Variants in NIBAN1 observed in about 807,000 individuals in gnomAD.
The protein encoded by NIBAN1 is protein Niban 1.
NIBAN1 carries 81 observed loss-of-function variants against 75.1 expected under a neutral mutation model. The ratio of observed to expected loss-of-function variants is 1.08; its 90% CI spans 0.90 to 1.30. The LOEUF (loss-of-function observed/expected upper bound fraction) is 1.30. NIBAN1 is among the 50% of genes most tolerant of loss of function. The pLI, the probability that NIBAN1 is intolerant of heterozygous loss-of-function variation, is 0.00. For missense variants in NIBAN1, 1,133 were observed against 1,128.1 expected (o/e 1.00, Z -0.06); for synonymous variants, 436 against 424.8 (o/e 1.03, Z -0.32).
chr1:184,864,248 C>T (rs1350739277), intron 5 of NIBAN1, among the ~76,000 whole-genome samples: 1 of 152,192 alleles, frequency 6.6e-6, no homozygotes, highest in African/African-American at 2.4e-5. Flanking sequence ...TCACACAGTG[C>T]TTGGCACACG....
intron 1 of NIBAN1, among the ~76,000 whole-genome samples, chr1:184,916,901 C>T (rs868360600): frequency 2.0e-5 from 3 of 152,288 alleles, no homozygotes; most frequent in Middle Eastern, 3.4e-3. Context: ...CCAAGTTTTA[C>T]TTCCTTCACT....
intron 6 of NIBAN1, 57 bp from the exon 7 acceptor site, chr1:184,823,799 TC>T: frequency 6.9e-7 from 1 of 1,446,272 alleles, no homozygotes; most frequent in East Asian, 2.3e-5. Context: ...CATCTGAGCA[TC>T]AGGCCAACTA....
At position 184,949,352 on chromosome 1, in the gene NIBAN1, C is replaced by T. The variant is rs866924032; in HGVS notation, c.55+24950G>A. Among the ~76,000 whole-genome samples, 5 of 151,954 alleles carry T rather than the reference C, an allele frequency of 3.3e-5. No individual in the cohort carries two copies. In the South Asian group the frequency reaches 8.3e-4, roughly 25 times the overall value. On this transcript the variant is annotated intron_variant, in intron 1 of 13. Coordinates refer to ENST00000367511, the MANE Select transcript of NIBAN1 (RefSeq NM_052966.4). Reference sequence around the variant, plus strand: ...CAGCCTGGGCGACAGAGCGAGACTCCGTCTCAAAAAATAAATAAATAAATA... The same window carrying T: ...CAGCCTGGGCGACAGAGCGAGACTCTGTCTCAAAAAATAAATAAATAAATA...
At chr1:184,802,929 G>A (rs1379342190) in intron 12 of NIBAN1, among the ~76,000 whole-genome samples, 1 of 152,106 alleles carries the variant, frequency 6.6e-6, no homozygotes, top group Non-Finnish European at 1.5e-5. Context: ...TAACCACTCA[G>A]GTTTCCTCAT....
chr1:184,893,655 TG>T (rs913728632), intron 3 of NIBAN1, among the ~76,000 whole-genome samples: 66 of 152,208 alleles, frequency 4.3e-4, no homozygotes, highest in African/African-American at 1.5e-3. Context: ...GGCTTCAGAG[TG>T]GGAAGACAGA....
At chr1:184,952,303 C>A (rs2102065503) in intron 1 of NIBAN1, among the ~76,000 whole-genome samples, 1 of 152,282 alleles carries the variant, frequency 6.6e-6, no homozygotes, top group South Asian at 2.1e-4. Context: ...ACTCAGGAGG[C>A]TGAGGTGAGA....
chr1:184,964,743 T>C (rs1342369250), intron 1 of NIBAN1, among the ~76,000 whole-genome samples: 3 of 152,218 alleles, frequency 2.0e-5, no homozygotes, highest in Admixed American at 6.5e-5. Context: ...TGGCCAGTGT[T>C]GCTCATGGGC....
At chr1:184,810,837 G>T (rs1289653041) in intron 9 of NIBAN1, among the ~76,000 whole-genome samples, 3 of 152,170 alleles carry the variant, frequency 2.0e-5, no homozygotes, top group African/African-American at 7.2e-5. Flanking sequence ...ATTTAATTTG[G>T]CTGAAGTTTT....
At chr1:184,799,278 T>C (rs1444081031) in intron 12 of NIBAN1, among the ~76,000 whole-genome samples, 2 of 149,798 alleles carry the variant, frequency 1.3e-5, no homozygotes, top group African/African-American at 4.9e-5. Flanking sequence ...CACCTATGAG[T>C]GAGAATATGC....
chr1:184,949,312 T>C (rs1265719122), intron 1 of NIBAN1, among the ~76,000 whole-genome samples: 1 of 152,168 alleles, frequency 6.6e-6, no homozygotes, highest in Non-Finnish European at 1.5e-5. Context: ...AAGCCGAGAT[T>C]GCACCACTGC....
chr1:184,859,717 A>G (rs1049408043), intron 5 of NIBAN1, among the ~76,000 whole-genome samples: 5 of 152,120 alleles, frequency 3.3e-5, no homozygotes, highest in African/African-American at 4.8e-5. Context: ...ATGGTATATA[A>G]GCAGTCCTAT....
At chr1:184,893,323 C>A (rs1418130810) in intron 3 of NIBAN1, among the ~76,000 whole-genome samples, 3 of 152,116 alleles carry the variant, frequency 2.0e-5, no homozygotes, top group Non-Finnish European at 4.4e-5. Context: ...CTTGACCTAA[C>A]CTTTAGTTTG....
At chr1:184,888,838 G>A (rs1656597671) in intron 4 of NIBAN1, among the ~76,000 whole-genome samples, 1 of 152,208 alleles carries the variant, frequency 6.6e-6, no homozygotes, top group Admixed American at 6.5e-5. Flanking sequence ...ATAAGTAGAT[G>A]TAAAAGAAAA....
At chr1:184,953,449 A>G (rs2102067117) in intron 1 of NIBAN1, among the ~76,000 whole-genome samples, 1 of 152,348 alleles carries the variant, frequency 6.6e-6, no homozygotes, top group South Asian at 2.1e-4. Flanking sequence ...TCATTTTGAA[A>G]GCGTCTTTTA....
chr1:184,872,693 G>A (rs1255134584), intron 5 of NIBAN1, among the ~76,000 whole-genome samples: 1 of 150,724 alleles, frequency 6.6e-6, no homozygotes, highest in African/African-American at 2.4e-5. Flanking sequence ...GGCAACAAGA[G>A]GGAAACTCTG....
At chr1:184,877,702 T>C (rs1362545405) in intron 5 of NIBAN1, among the ~76,000 whole-genome samples, 2 of 152,184 alleles carry the variant, frequency 1.3e-5, no homozygotes, top group Non-Finnish European at 2.9e-5. Flanking sequence ...ATGTTGATTA[T>C]CTAACCACAT....
chr1:184,960,366 C>A (rs1479193462), intron 1 of NIBAN1, among the ~76,000 whole-genome samples: 1 of 152,172 alleles, frequency 6.6e-6, no homozygotes, highest in African/African-American at 2.4e-5. Flanking sequence ...ATTGTTTCTT[C>A]ATCACATCCT....
At chr1:184,830,788 G>C (rs1654976583) in intron 6 of NIBAN1, among the ~76,000 whole-genome samples, 1 of 152,104 alleles carries the variant, frequency 6.6e-6, no homozygotes. Flanking sequence ...GAATCACGAG[G>C]TCAGGAGTTT....
intron 1 of NIBAN1, among the ~76,000 whole-genome samples, chr1:184,947,073 C>CA (rs368783783): frequency 5.4e-5 from 8 of 147,870 alleles, no homozygotes; most frequent in Non-Finnish European, 7.5e-5. Flanking sequence ...AACTCCATCT[C>CA]AAAAAGAAAA....
Sources: allele counts gnomAD v4.1 joint callset (sites outside exome capture counted in the v4.1 genomes callset), GRCh38; gene constraint gnomAD v4.1.1; transcripts MANE v1.5; gene names NCBI Gene and HGNC (gene_info 2026-07-23, HGNC 2026-07-21).